The following MYT1L variants were observed in gnomAD, a reference collection of about 807,000 sequenced individuals.
MYT1L encodes myelin transcription factor 1-like protein.
MYT1L carries 12 observed loss-of-function variants against 126.7 expected under a neutral mutation model. The ratio of observed to expected loss-of-function variants is 0.09; its 90% CI spans 0.06 to 0.15. MYT1L has a LOEUF of 0.15. Among genes scored for constraint, MYT1L ranks in the 10% least tolerant of loss-of-function variants. The pLI, the probability that MYT1L is intolerant of heterozygous loss-of-function variation, is 1.00. For missense variants in MYT1L, 979 were observed against 1,585.2 expected (o/e 0.62, Z 6.49); for synonymous variants, 541 against 604.2 (o/e 0.90, Z 1.53).
At chr2:2,019,532 A>T (rs2064813204) in intron 4 of MYT1L, among the ~76,000 whole-genome samples, 1 of 152,244 alleles carries the variant, frequency 6.6e-6, no homozygotes, top group South Asian at 2.1e-4. Context: ...CCCCAAGTCC[A>T]CTTATCTCAA....
At chr2:2,203,334 C>T (rs1384460306) in intron 2 of MYT1L, among the ~76,000 whole-genome samples, 3 of 149,236 alleles carry the variant, frequency 2.0e-5, no homozygotes, top group South Asian at 2.1e-4. Context: ...TCAAATTGTC[C>T]GTGTTTGCAG....
intron 3 of MYT1L, among the ~76,000 whole-genome samples, chr2:2,065,821 TATAC>T (rs1287570076): frequency 5.8e-5 from 7 of 119,718 alleles, no homozygotes; most frequent in East Asian, 2.6e-4. Context: ...CTCTCTCTTT[TATAC>T]ACACACACAC....
chr2:1,981,032 T>C lies in MYT1L; in HGVS notation c.1-1255A>G, dbSNP rs577412796. On this transcript the variant is annotated intron_variant, in intron 5 of 24. Transcript: ENST00000647738. ...GTGAAGAAGACTCATTAGATGCCTG[T>C]GGCTCTATTCGAGGCACACTCCAGA... is the stretch of plus-strand genomic sequence containing the variant. Among the ~76,000 whole-genome samples, 4 of 152,110 alleles carry C rather than the reference T, an allele frequency of 2.6e-5. No homozygotes were observed. The East Asian group carries it at 5.8e-4, about 22-fold the overall frequency.
intron 3 of MYT1L, among the ~76,000 whole-genome samples, chr2:2,121,804 A>G (rs1314882025): frequency 6.6e-6 from 1 of 152,090 alleles, no homozygotes; most frequent in Non-Finnish European, 1.5e-5. Flanking sequence ...GGAATTCTCT[A>G]TTATGAATGC....
chr2:1,949,569 T>A (rs898201053), intron 8 of MYT1L, among the ~76,000 whole-genome samples: 1 of 152,242 alleles, frequency 6.6e-6, no homozygotes, highest in African/African-American at 2.4e-5. Context: ...ACATACAACA[T>A]TATGTAGTGC....
At chr2:2,275,202 A>ATGTGTGTGTGTGTGTGTGTGTG (rs10522538) in intron 2 of MYT1L, among the ~76,000 whole-genome samples, 1 of 139,452 alleles carries the variant, frequency 7.2e-6, no homozygotes, top group Non-Finnish European at 1.5e-5. Context: ...TAATAATAAA[A>ATGTGTGTGTGTGTGTGTGTGTG]TGTGTGTGTG....
chr2:2,214,585 A>T (rs2093625768), intron 2 of MYT1L, among the ~76,000 whole-genome samples: 1 of 152,192 alleles, frequency 6.6e-6, no homozygotes, highest in South Asian at 2.1e-4. Context: ...TTAAGAGGAA[A>T]AGAAATCCCC....
intron 3 of MYT1L, among the ~76,000 whole-genome samples, chr2:2,133,669 C>T (rs1643412): frequency 0.066 from 9,981 of 152,172 alleles, 968 homozygotes; most frequent in African/African-American, 0.21. Flanking sequence ...AATCACAACA[C>T]ACTTGCTGCT....
rs182368010 is a variant in MYT1L, at chr2:2,275,695, G to A, written c.-421+8709C>T. ...CTTACCTTTCATTTCAATATGTACC[G>A]TGAAAACTTTCCACATATACACTGA... On this transcript the variant is annotated intron_variant, in intron 2 of 24. Transcript: ENST00000647738. Among the ~76,000 whole-genome samples the A allele has an allele frequency of 2.2e-3, 329 of 152,182 alleles. 2 individuals are homozygous for A. Among genetic ancestry groups the A allele is most frequent in the Non-Finnish European group, 3.4e-3 (230 of 68,004 alleles).
At position 1,806,772 on chromosome 2, in the gene MYT1L, G is replaced by A. The variant is rs557809280; in HGVS notation, c.3172+2304C>T. Among the ~76,000 whole-genome samples, 15 of 152,222 alleles carry A rather than the reference G, an allele frequency of 9.9e-5. No homozygotes were observed. The highest frequency in any genetic ancestry group is 3.6e-4 in the African/African-American group (15 of 41,526). On this transcript the variant is annotated intron_variant, in intron 22 of 24. Coordinates refer to ENST00000647738, the MANE Select transcript of MYT1L (RefSeq NM_001303052.2). This position sits in a 1 kb window ranked among gnomAD's most constrained non-coding sequence, Gnocchi z 4.9. The stretch of plus-strand genomic sequence containing the variant: ...CTCTCCGTATTTTCTTTCCTTTTCT[G>A]TTTTGAACTGGCCTACCTAACCTAA...
chr2:2,198,200 G>A (rs2092908994), intron 2 of MYT1L, among the ~76,000 whole-genome samples: 1 of 151,982 alleles, frequency 6.6e-6, no homozygotes, highest in Admixed American at 6.6e-5. Flanking sequence ...TTCATACATA[G>A]AGGCTAAAAC....
At chr2:2,156,934 C>G (rs1222186544) in intron 3 of MYT1L, among the ~76,000 whole-genome samples, 2 of 152,160 alleles carry the variant, frequency 1.3e-5, no homozygotes, top group African/African-American at 4.8e-5. Flanking sequence ...CTTTAGAAAA[C>G]AAAGCTGTTT....
rs142561522 is a variant in MYT1L at position 2,235,195 on chromosome 2, G to A, written c.-421+49209C>T. ...AGGGGTGTGTGTTAGCTGGTTAGCT[G>A]GTTGGTGTCTTCCTCAGAGCTTCCC... is the stretch of plus-strand genomic sequence containing the variant. On this transcript the variant is annotated intron_variant, in intron 2 of 24. Transcript: ENST00000647738. Among the ~76,000 whole-genome samples the A allele has an allele frequency of 7.2e-5, 11 of 152,176 alleles. No individual in the cohort carries two copies. The East Asian group carries it at 2.1e-3, about 29-fold the overall frequency.
chr2:2,303,843 C>T (rs2095821332), intron 1 of MYT1L: 2 of 152,288 alleles, frequency 1.3e-5, no homozygotes, highest in South Asian at 2.1e-4. Flanking sequence ...GTATGTAACG[C>T]GACATTCAAG....
intron 2 of MYT1L, among the ~76,000 whole-genome samples, chr2:2,278,764 TG>T (rs1366993641): frequency 6.6e-6 from 1 of 152,244 alleles, no homozygotes; most frequent in Non-Finnish European, 1.5e-5. Flanking sequence ...ATATTTTTCC[TG>T]GCTATATTTT....
intron 2 of MYT1L, among the ~76,000 whole-genome samples, chr2:2,236,681 A>G (rs2094316431): frequency 6.7e-6 from 1 of 149,994 alleles, no homozygotes; most frequent in African/African-American, 2.5e-5. Context: ...TCCCAACCCA[A>G]CCCAGTACAT....
intron 3 of MYT1L, among the ~76,000 whole-genome samples, chr2:2,084,873 C>T (rs904524528): frequency 4.6e-5 from 7 of 152,298 alleles, no homozygotes; most frequent in Admixed American, 6.5e-5. Flanking sequence ...CTGGTGTAAA[C>T]GTTGGAGGAG....
chr2:1,962,828 C>T (rs2059064492), intron 8 of MYT1L, among the ~76,000 whole-genome samples: 3 of 152,168 alleles, frequency 2.0e-5, no homozygotes, highest in African/African-American at 7.2e-5. Context: ...TTGCTATTTC[C>T]ACCACATCTG....
chr2:2,199,879 C>T (rs2092983853), intron 2 of MYT1L, among the ~76,000 whole-genome samples: 1 of 152,160 alleles, frequency 6.6e-6, no homozygotes, highest in Non-Finnish European at 1.5e-5. Flanking sequence ...GCACGGACAC[C>T]TCTGGGGAGG....
Sources: gnomAD v4.1 joint callset for allele counts (sites outside exome capture counted in the v4.1 genomes callset) on GRCh38, gnomAD v4.1.1 for gene constraint, Gnocchi (gnomAD v3.1) non-coding constraint, MANE v1.5 for transcripts, NCBI Gene and HGNC (gene_info 2026-07-23, HGNC 2026-07-21) for gene names.